SLC38A10: variants seen among roughly 807,000 people sequenced by gnomAD.
SLC38A10 encodes the protein solute carrier family 38 member 10, also known as Sodium-coupled neutral amino acid transporter 10.
In SLC38A10, 53 loss-of-function variants were observed where a neutral mutation model predicts 81.0. The ratio of observed to expected loss-of-function variants is 0.65; its 90% CI spans 0.53 to 0.82. SLC38A10 has a LOEUF of 0.82. SLC38A10 is among the 40% of genes least tolerant of loss of function. The probability of loss-of-function intolerance (pLI) is 0.00; values close to 1 mark genes in which losing one functional copy is unlikely to be tolerated. For missense variants in SLC38A10, 1,471 were observed against 1,545.0 expected (o/e 0.95, Z 0.80); for synonymous variants, 665 against 655.3 (o/e 1.01, Z -0.23).
At position 81,253,288 on chromosome 17, in the gene SLC38A10, G is replaced by A. The variant is rs762629383; in HGVS notation, c.1289-48C>T. On this transcript the variant is annotated intron_variant, in intron 11 of 15. Transcript: ENST00000374759. This position sits in a 1 kb window ranked among gnomAD's most constrained non-coding sequence, Gnocchi z 4.1. ...GAACTGCACTGCCAAGCAGCTCCAG[G>A]AGCGGGGCAGCTCTCCCTGGACTGT... 3.1e-6 allele frequency: 5 copies of A among 1,597,640 alleles called. No individual in the cohort carries two copies. Among genetic ancestry groups the A allele is most frequent in the South Asian group, 1.1e-5 (1 of 90,428 alleles).
At position 81,253,041 on chromosome 17, in the gene SLC38A10, C is replaced by T. The variant is rs377516598; in HGVS notation, c.1456+32G>A. 1.9e-5 allele frequency: 30 copies of T among 1,603,952 alleles called. No individual in the cohort carries two copies. The highest frequency in any genetic ancestry group is 2.6e-5 in the Non-Finnish European group (30 of 1,175,988). On this transcript the variant is annotated intron_variant, in intron 12 of 15. Transcript: ENST00000374759. This position sits in a 1 kb window ranked among gnomAD's most constrained non-coding sequence, Gnocchi z 4.1. ...CAAAGGAGGACCCGGGGCCGCCCTT[C>T]CCCATCCGCACCCCCAGCCAGTGCC...
At chr17:81,279,407 G>A (rs2063189027) in intron 6 of SLC38A10, among the ~76,000 whole-genome samples, 1 of 152,226 alleles carries the variant, frequency 6.6e-6, no homozygotes, top group South Asian at 2.1e-4. Flanking sequence ...TGACGCTGTG[G>A]GAGGGAAGAG....
At chr17:81,291,962 T>G (rs1373968036) in intron 1 of SLC38A10, among the ~76,000 whole-genome samples, 1 of 152,058 alleles carries the variant, frequency 6.6e-6, no homozygotes, top group East Asian at 1.9e-4. Context: ...CAGAGTACGC[T>G]CCTTAATTTG....
chr17:81,252,924 C>T lies in SLC38A10; in HGVS notation c.1456+149G>A, dbSNP rs1598381345. 4 of 1,180,232 alleles carry T rather than the reference C, an allele frequency of 3.4e-6. No homozygotes were observed. In the East Asian group the frequency reaches 9.4e-5, roughly 28 times the overall value. The allele number at this position is 1,180,232 out of a possible 1,614,324, so 73.1% of individuals were successfully genotyped here. On this transcript the variant is annotated intron_variant, in intron 12 of 15. Coordinates refer to ENST00000374759, the MANE Select transcript of SLC38A10 (RefSeq NM_001037984.3). ...CAGGACATTCATCTGAATTGAAAGA[C>T]AGAGAAAACAAAAAGGACCAGAACT...
At position 81,295,190 on chromosome 17, in the gene SLC38A10, T is replaced by C. The variant is rs1484734438; in HGVS notation, c.-269A>G. 1.6e-5 allele frequency: 4 copies of C among 257,802 alleles called. No individual in the cohort carries two copies. The highest frequency in any genetic ancestry group is 2.0e-5 in the Non-Finnish European group (3 of 149,652). 16.0% of individuals were successfully genotyped at this position (257,802 alleles called of 1,614,324 possible). On this transcript the variant is annotated 5_prime_UTR_variant, in exon 1 of 16. Transcript: ENST00000374759. ...CCTGCGGCCGCCTCAGGGCCATGCG[T>C]CCCTCGCTCGGCCTCGCGGGCCGCC...
At chr17:81,291,017 AAG>A (rs979649483) in intron 1 of SLC38A10, among the ~76,000 whole-genome samples, 3 of 152,124 alleles carry the variant, frequency 2.0e-5, no homozygotes, top group African/African-American at 7.2e-5. Context: ...AGAAAATAAA[AAG>A]AGAGTGAATC....
chr17:81,264,294 A>C (rs1598390470), intron 10 of SLC38A10: 1 of 152,480 alleles, frequency 6.6e-6, no homozygotes, highest in East Asian at 1.9e-4. Flanking sequence ...CTTCCTGCAC[A>C]GCCTAAGAAC....
At position 81,277,856 on chromosome 17, in the gene SLC38A10, G is replaced by A. The variant is rs1314785892; in HGVS notation, c.627-723C>T. 6.6e-6 allele frequency among the ~76,000 whole-genome samples: 1 copy of A among 152,242 alleles called. No homozygotes were observed. Among genetic ancestry groups the A allele is most frequent in the Non-Finnish European group, 1.5e-5 (1 of 68,044 alleles). Reference sequence around the variant, plus strand: ...CCATGGAGCATCTGTGTGCAGCCGGGGAGAAGGGAGTTGGGCCAGGCACAC... The same window carrying A: ...CCATGGAGCATCTGTGTGCAGCCGGAGAGAAGGGAGTTGGGCCAGGCACAC... On this transcript the variant is annotated intron_variant, in intron 6 of 15. Transcript: ENST00000374759. The surrounding 1 kb of genome is among the most constrained non-coding windows in gnomAD (Gnocchi z 4.5).
At chr17:81,252,170 G>C in intron 13 of SLC38A10, 25 bp downstream of exon 13, 2 of 1,493,942 alleles carry the variant, frequency 1.3e-6, no homozygotes, top group Non-Finnish European at 8.9e-7. Flanking sequence ...AGTGTCTTCC[G>C]ACACGAGCCC....
At chr17:81,271,482 G>C (rs193109759) in intron 9 of SLC38A10, among the ~76,000 whole-genome samples, 1 of 152,180 alleles carries the variant, frequency 6.6e-6, no homozygotes, top group Non-Finnish European at 1.5e-5. Context: ...GAGTGCGTGC[G>C]AGTTCCCCTG....
At chr17:81,254,330 T>C (rs566048323) in intron 11 of SLC38A10, among the ~76,000 whole-genome samples, 2 of 152,338 alleles carry the variant, frequency 1.3e-5, no homozygotes, top group African/African-American at 4.8e-5. Context: ...ACAGTTACAC[T>C]GTTGTCAGTT....
intron 9 of SLC38A10, among the ~76,000 whole-genome samples, 191 bp downstream of exon 9, chr17:81,272,325 C>T (rs761192036): frequency 6.6e-4 from 100 of 152,130 alleles, no homozygotes; most frequent in Non-Finnish European, 6.6e-4. Context: ...AGCCACCGCA[C>T]CTGGCTCAAG....
rs1284323310 is a variant in SLC38A10, at chr17:81,245,246, C to G, written c.*310G>C. The G allele has an allele frequency of 6.3e-6, 2 of 318,212 alleles. No individual in the cohort carries two copies. Among genetic ancestry groups the G allele is most frequent in the Non-Finnish European group, 5.8e-6 (1 of 172,348 alleles). The allele number at this position is 318,212 out of a possible 1,614,324, so 19.7% of individuals were successfully genotyped here. On this transcript the variant is annotated 3_prime_UTR_variant, in exon 16 of 16. Transcript: ENST00000374759. Reference sequence around the variant, plus strand: ...GACCACAGACGCAGCAGCTCCCCAGCCTGAGCCTGGGAGTGCACCAGCCAG... The same window carrying G: ...GACCACAGACGCAGCAGCTCCCCAGGCTGAGCCTGGGAGTGCACCAGCCAG...
intron 10 of SLC38A10, among the ~76,000 whole-genome samples, chr17:81,262,472 C>T (rs896166821): frequency 1.3e-5 from 2 of 152,214 alleles, no homozygotes; most frequent in Non-Finnish European, 1.5e-5. Flanking sequence ...CGCCTCGTCC[C>T]GGGTGGATTT....
intron 10 of SLC38A10, among the ~76,000 whole-genome samples, chr17:81,266,433 C>T (rs530627202): frequency 6.6e-6 from 1 of 152,136 alleles, no homozygotes; most frequent in South Asian, 2.1e-4. Flanking sequence ...TCCTGGCTAA[C>T]ATAGTGAAAC....
chr17:81,250,656 G>A (rs1354059219), intron 14 of SLC38A10, among the ~76,000 whole-genome samples: 1 of 152,246 alleles, frequency 6.6e-6, no homozygotes, highest in Non-Finnish European at 1.5e-5. Context: ...CTTGAGAGAA[G>A]GCTTGGACAC....
At position 81,286,892 on chromosome 17, in the gene SLC38A10, A is replaced by G. The variant is rs1251059848; in HGVS notation, c.218-1997T>C. Among the ~76,000 whole-genome samples, 1 of 152,172 alleles carries G rather than the reference A, an allele frequency of 6.6e-6. No homozygotes were observed. Among genetic ancestry groups the G allele is most frequent in the East Asian group, 1.9e-4 (1 of 5,192 alleles). On this transcript the variant is annotated intron_variant, in intron 2 of 15. Coordinates refer to ENST00000374759, the MANE Select transcript of SLC38A10 (RefSeq NM_001037984.3). This position sits in a 1 kb window ranked among gnomAD's most constrained non-coding sequence, Gnocchi z 6.0. ...AGGCGGTTTCTAGCCCAGACCACGC[A>G]TGCCAGGGTTCAGGCACAACTCTCA...
In SLC38A10 at chr17:81,252,437, T is replaced by TC; in HGVS notation, c.1702dup (p.Glu568GlyfsTer5). 6.2e-7 allele frequency: 1 copy of TC among 1,613,302 alleles called. No individual in the cohort carries two copies. Among genetic ancestry groups the TC allele is most frequent in the Non-Finnish European group, 8.5e-7 (1 of 1,180,000 alleles). On this transcript the variant is annotated frameshift_variant, in exon 13 of 16. Coordinates refer to ENST00000374759, the MANE Select transcript of SLC38A10 (RefSeq NM_001037984.3). LOFTEE classifies it high-confidence loss of function. ...ATCTTCAGGAAGATCACCCGCCTCC[T>TC]CCAAGGCCTGGGCCTGTCCAGGCCT...
At position 81,286,014 on chromosome 17, in the gene SLC38A10, C is replaced by T. The variant is rs1340816456; in HGVS notation, c.218-1119G>A. On this transcript the variant is annotated intron_variant, in intron 2 of 15. Coordinates refer to ENST00000374759, the MANE Select transcript of SLC38A10 (RefSeq NM_001037984.3). The surrounding 1 kb of genome is among the most constrained non-coding windows in gnomAD (Gnocchi z 6.0). ...CACCCCTTGAGTTCATCCCACAACA[C>T]GGAAACCCGAGCCAGGCCCCAGAAG... 3.3e-5 allele frequency among the ~76,000 whole-genome samples: 5 copies of T among 152,108 alleles called. No homozygotes were observed. The highest frequency in any genetic ancestry group is 2.1e-4 in the South Asian group (1 of 4,822).
Sources: gnomAD v4.1 joint callset for allele counts (sites outside exome capture counted in the v4.1 genomes callset) on GRCh38, gnomAD v4.1.1 for gene constraint, Gnocchi (gnomAD v3.1) non-coding constraint, MANE v1.5 for transcripts, NCBI Gene and HGNC (gene_info 2026-07-23, HGNC 2026-07-21) for gene names.